ENOX2: variants seen among roughly 807,000 people sequenced by gnomAD.
The protein encoded by ENOX2 is ecto-NOX disulfide-thiol exchanger 2, also known as APK1 antigen.
Under a neutral mutation model 45.0 loss-of-function variants are expected in ENOX2, and 36 were observed. The observed-to-expected ratio is 0.80, with a 90% CI of 0.61 to 1.06. The LOEUF is 1.06. Among genes scored for constraint, ENOX2 ranks in the 50% least tolerant of loss-of-function variants. ENOX2 has a pLI of 0.00. For synonymous variants in ENOX2, 174 were observed against 152.3 expected, an observed-to-expected ratio of 1.14 and a Z score of -1.05; for missense variants, 423 against 462.5, an observed-to-expected ratio of 0.91 and a Z score of 0.78.
intron 2 of ENOX2, among the ~76,000 whole-genome samples, chrX:130,800,000 C>A (rs1328986280): frequency 9.1e-6 from 1 of 110,224 alleles, no homozygotes; most frequent in Non-Finnish European, 1.9e-5. Context: ...TGTTTAAATA[C>A]CAATATATCT....
intron 3 of ENOX2, among the ~76,000 whole-genome samples, chrX:130,738,545 G>A (rs1350602754): frequency 4.5e-5 from 5 of 111,825 alleles, no homozygotes; most frequent in Non-Finnish European, 9.4e-5. Context: ...CCTGTGATAT[G>A]AGAGGGTTGG....
At chrX:130,744,287 C>T (rs2039050217) in intron 3 of ENOX2, among the ~76,000 whole-genome samples, 1 of 112,312 alleles carries the variant, frequency 8.9e-6, no homozygotes. Context: ...AAATATTCTA[C>T]TTTATCTGTT....
intron 2 of ENOX2, among the ~76,000 whole-genome samples, chrX:130,848,072 G>A (rs780810837): frequency 4.5e-5 from 5 of 111,480 alleles, no homozygotes; most frequent in South Asian, 7.6e-4. Flanking sequence ...TCGCTCTGTC[G>A]CCCAGGCTGG....
chrX:130,633,678 G>T (rs1024163436), intron 12 of ENOX2, among the ~76,000 whole-genome samples: 5 of 112,083 alleles, frequency 4.5e-5, no homozygotes, highest in Non-Finnish European at 9.4e-5. Context: ...ATGTCCTTAG[G>T]TCAAATTGTG....
At chrX:130,638,229 G>A (rs1208491179) in intron 10 of ENOX2, among the ~76,000 whole-genome samples, 1 of 109,154 alleles carries the variant, frequency 9.2e-6, no homozygotes, top group Non-Finnish European at 1.9e-5. Flanking sequence ...CACCATGCCC[G>A]GCTAATTTTT....
intron 10 of ENOX2, among the ~76,000 whole-genome samples, chrX:130,651,339 T>A (rs1487417256): frequency 8.9e-6 from 1 of 112,174 alleles, no homozygotes; most frequent in Non-Finnish European, 1.9e-5. Flanking sequence ...TCTACCATTT[T>A]CCTCACTGCC....
intron 12 of ENOX2, among the ~76,000 whole-genome samples, chrX:130,632,335 C>G (rs753262458): frequency 3.9e-5 from 3 of 76,707 alleles, no homozygotes; most frequent in African/African-American, 1.6e-4. Context: ...GTGGAAAGTT[C>G]TTCTCTTTCA....
intron 3 of ENOX2, chrX:130,709,183 G>T: frequency 2.0e-6 from 2 of 995,815 alleles, no homozygotes; most frequent in Non-Finnish European, 2.9e-6. Context: ...GTGCCAATAA[G>T]TGTGTTTTTA....
At chrX:130,761,391 T>G (rs1487118188) in intron 3 of ENOX2, among the ~76,000 whole-genome samples, 1 of 111,880 alleles carries the variant, frequency 8.9e-6, no homozygotes, top group African/African-American at 3.3e-5. Context: ...TTGGATGAAT[T>G]GTGGTAGTTT....
intron 2 of ENOX2, among the ~76,000 whole-genome samples, chrX:130,856,320 G>C (rs1421052562): frequency 2.7e-5 from 3 of 112,294 alleles, no homozygotes; most frequent in Non-Finnish European, 5.6e-5. Flanking sequence ...TGAAGAAGCG[G>C]GTTTACTACA....
At position 130,890,399 on chromosome X, in the gene ENOX2, C is replaced by G. The variant is rs773690386; in HGVS notation, c.-183+11285G>C. 5.4e-5 allele frequency among the ~76,000 whole-genome samples: 6 copies of G among 111,575 alleles called. No individual in the cohort carries two copies. In the South Asian group the frequency reaches 2.3e-3, roughly 42 times the overall value. The stretch of plus-strand genomic sequence containing the variant: ...ACCACCCAAGCTCCTCCTCGGCAGC[C>G]GTCACCAAGCCTGACTGATTTTTTT... On this transcript the variant is annotated intron_variant, in intron 2 of 14. Transcript: ENST00000394363.
chrX:130,795,109 A>G (rs1159454754), intron 2 of ENOX2, among the ~76,000 whole-genome samples: 2 of 112,508 alleles, frequency 1.8e-5, no homozygotes, highest in Non-Finnish European at 3.8e-5. Flanking sequence ...AATGTATGAG[A>G]AATAACCCTC....
intron 12 of ENOX2, among the ~76,000 whole-genome samples, chrX:130,633,778 T>C (rs1258101512): frequency 8.9e-6 from 1 of 112,619 alleles, no homozygotes; most frequent in Non-Finnish European, 1.9e-5. Context: ...ATCCATTTTA[T>C]GCAGGAAGCA....
At chrX:130,769,689 A>C (rs927551804) in intron 3 of ENOX2, among the ~76,000 whole-genome samples, 3 of 111,804 alleles carry the variant, frequency 2.7e-5, no homozygotes, top group African/African-American at 9.7e-5. Flanking sequence ...TAGCATATTC[A>C]TCTACCCTTC....
At chrX:130,682,583 CAAAAAAAAAAA>C (rs55875735) in intron 5 of ENOX2, among the ~76,000 whole-genome samples, 149 of 14,633 alleles carry the variant, frequency 0.01, 2 homozygotes, top group African/African-American at 0.029. Flanking sequence ...GACTCCGTCT[CAAAAAAAAAAA>C]AAAAAAAAAA....
intron 3 of ENOX2, among the ~76,000 whole-genome samples, chrX:130,733,437 C>T (rs1286977860): frequency 9.1e-6 from 1 of 110,164 alleles, no homozygotes; most frequent in Non-Finnish European, 1.9e-5. Context: ...ATGTAACTAC[C>T]AAATGACCCC....
intron 2 of ENOX2, among the ~76,000 whole-genome samples, chrX:130,830,379 T>C (rs896393970): frequency 1.8e-5 from 2 of 111,597 alleles, no homozygotes; most frequent in Non-Finnish European, 3.8e-5. Context: ...TCAATCCTCC[T>C]ATATTTTCCC....
At chrX:130,730,072 G>C (rs1282959835) in intron 3 of ENOX2, among the ~76,000 whole-genome samples, 3 of 112,280 alleles carry the variant, frequency 2.7e-5, no homozygotes, top group East Asian at 5.6e-4. Flanking sequence ...TTCCCTTCCT[G>C]TGTTTGCTCC....
intron 3 of ENOX2, among the ~76,000 whole-genome samples, chrX:130,781,976 C>T (rs1001385566): frequency 5.4e-5 from 6 of 111,412 alleles, no homozygotes; most frequent in African/African-American, 2.0e-4. Context: ...AAAACCTATA[C>T]TTTTTAGTAA....
Sources: gnomAD v4.1 joint callset for allele counts (sites outside exome capture counted in the v4.1 genomes callset) on GRCh38, gnomAD v4.1.1 for gene constraint, MANE v1.5 for transcripts, NCBI Gene and HGNC (gene_info 2026-07-23, HGNC 2026-07-21) for gene names.